Variants in XRCC1 observed in about 807,000 individuals in gnomAD.
XRCC1 encodes the protein X-ray repair cross complementing 1, also known as DNA repair protein XRCC1.
A neutral mutation model predicts 83.3 loss-of-function variants in XRCC1; 52 were observed. The ratio of observed to expected loss-of-function variants is 0.62; its 90% CI spans 0.50 to 0.79. The LOEUF is 0.79. XRCC1 is among the 30% of genes least tolerant of loss of function. XRCC1 has a pLI of 0.00. For missense variants in XRCC1, 793 were observed against 823.5 expected, an observed-to-expected ratio of 0.96 and a Z score of 0.45; for synonymous variants, 281 against 312.6, an observed-to-expected ratio of 0.90 and a Z score of 1.07.
intron 10 of XRCC1, 34 bp from the exon 11 acceptor site, chr19:43,547,011 C>T (rs25482): frequency 1.9e-6 from 3 of 1,606,098 alleles, no homozygotes; most frequent in African/African-American, 2.7e-5. Context: ...ACAAACAGGC[C>T]CAAGGGAAGT....
At position 43,546,057 on chromosome 19, in the gene XRCC1, C is replaced by G; in HGVS notation, c.1476G>C (p.Leu492=). The G allele has an allele frequency of 1.2e-6, 2 of 1,613,684 alleles. No individual in the cohort carries two copies. The highest frequency in any genetic ancestry group is 1.7e-6 in the Non-Finnish European group (2 of 1,179,808). ...ACCCCCAGCCCCAGCCCTACCTCCTCAGCTCATCCTCTGTGTCCCCAGAAT... is the reference window on the plus strand; with the variant it reads ...ACCCCCAGCCCCAGCCCTACCTCCTGAGCTCATCCTCTGTGTCCCCAGAAT... ...AEDSGDTEDE[L]RRVAEQKEHR... The change falls in exon 13 of 17, where the codon CTG becomes CTC. Residue 492 remains leucine (L), a synonymous_variant. Transcript: ENST00000262887.
In XRCC1 at chr19:43,553,426, G is replaced by A. The variant is rs2146052344; in HGVS notation, c.576C>T (p.Phe192=). The A allele has an allele frequency of 6.2e-7, 1 of 1,614,156 alleles. No individual in the cohort carries two copies. Among genetic ancestry groups the A allele is most frequent in the Non-Finnish European group, 8.5e-7 (1 of 1,180,020 alleles). The part of the protein sequence containing the change: ...ANSLRPGALF[F]SRINKTSPVT... ...CTGGGGATGTCTTGTTGATCCGGCT[G>A]AAGAAGAGAGCCCCCGGCCTCAGAG... Residue 192 remains phenylalanine (F), a synonymous_variant, in exon 6 of 17, where the codon TTC becomes TTT. Coordinates refer to ENST00000262887, the MANE Select transcript of XRCC1 (RefSeq NM_006297.3).
At chr19:43,556,813 T>C (rs1263425550) in intron 3 of XRCC1, among the ~76,000 whole-genome samples, 1 of 151,814 alleles carries the variant, frequency 6.6e-6, no homozygotes, top group Non-Finnish European at 1.5e-5. Context: ...AAGACCAGCC[T>C]AGCCAACATG....
intron 2 of XRCC1, among the ~76,000 whole-genome samples, chr19:43,561,575 G>A: frequency 6.6e-6 from 1 of 152,184 alleles, no homozygotes; most frequent in Non-Finnish European, 1.5e-5. Flanking sequence ...CCATATCTAG[G>A]ATCATGCACA....
At chr19:43,551,952 G>A (rs1012428169) in intron 9 of XRCC1, 65 bp downstream of exon 9, 1 of 1,557,336 alleles carries the variant, frequency 6.4e-7, no homozygotes, top group East Asian at 2.2e-5. Flanking sequence ...AAAGCACAAG[G>A]TGGAGGAGAC....
At chr19:43,553,374 C>T in intron 6 of XRCC1, 27 bp downstream of exon 6, 1 of 1,612,038 alleles carries the variant, frequency 6.2e-7, no homozygotes, top group Non-Finnish European at 8.5e-7. Context: ...ACCCTACTCA[C>T]TCAGGACCCA....
At position 43,575,098 on chromosome 19, in the gene XRCC1, A is replaced by G. The variant is rs928567834; in HGVS notation, c.52-96T>C. The stretch of plus-strand genomic sequence containing the variant: ...TCCTTTGAGTCCTCCCAAGGCCTCT[A>G]CGACCCCCAGATTTAAGCTCTCCCG... On this transcript the variant is annotated intron_variant, in intron 1 of 16. Coordinates refer to ENST00000262887, the MANE Select transcript of XRCC1 (RefSeq NM_006297.3). 8 of 1,011,104 alleles carry G rather than the reference A, an allele frequency of 7.9e-6. No individual in the cohort carries two copies. In the East Asian group the frequency reaches 1.5e-4, roughly 19 times the overall value. 62.6% of individuals were successfully genotyped at this position (1,011,104 alleles called of 1,614,324 possible). A position where few individuals can be genotyped will look rare whatever the true frequency, so the allele number is the denominator to read the frequency against.
intron 4 of XRCC1, among the ~76,000 whole-genome samples, 153 bp downstream of exon 4, chr19:43,554,493 C>T (rs539156176): frequency 1.4e-4 from 21 of 152,246 alleles, no homozygotes; most frequent in Admixed American, 1.3e-3. Flanking sequence ...AGATCCCAAA[C>T]CCATTTCAGG....
At chr19:43,566,426 GGGA>G (rs1568517957) in intron 2 of XRCC1, among the ~76,000 whole-genome samples, 1 of 146,896 alleles carries the variant, frequency 6.8e-6, no homozygotes, top group Non-Finnish European at 1.5e-5. Context: ...CCAGCTACTC[GGGA>G]GGCTGAGGCA....
intron 10 of XRCC1, among the ~76,000 whole-genome samples, chr19:43,550,752 C>T (rs1343197327): frequency 6.6e-6 from 1 of 152,220 alleles, no homozygotes; most frequent in Non-Finnish European, 1.5e-5. Context: ...CTTGTCTCCT[C>T]TGCCCAGCAT....
At chr19:43,575,070 G>A (rs901907302) in intron 1 of XRCC1, 68 bp from the exon 2 acceptor site, 7 of 1,333,964 alleles carry the variant, frequency 5.2e-6, no homozygotes, top group Admixed American at 3.6e-5. Flanking sequence ...GCTCTCAGAT[G>A]ATTCCTTTGA....
intron 1 of XRCC1, 61 bp from the exon 2 acceptor site, chr19:43,575,063 C>T (rs945904983): frequency 1.4e-6 from 2 of 1,382,046 alleles, no homozygotes; most frequent in Non-Finnish European, 2.1e-6. Flanking sequence ...GCCTCCAGCT[C>T]TCAGATGATT....
In XRCC1 at chr19:43,574,328, G is replaced by A. The variant is rs185918802; in HGVS notation, c.144+582C>T. On this transcript the variant is annotated intron_variant, in intron 2 of 16. Transcript: ENST00000262887. The stretch of plus-strand genomic sequence containing the variant: ...TGGGCTCATGCAATACTCCAGCTTC[G>A]GCCTCCCAAAGTGATGGGATTACAG... Among the ~76,000 whole-genome samples, 56 of 151,736 alleles carry A rather than the reference G, an allele frequency of 3.7e-4. No individual in the cohort carries two copies. The East Asian group carries it at 9.9e-3, about 27-fold the overall frequency.
At chr19:43,548,779 A>AAAAAAAAACAAAAAAC (rs1213062759) in intron 10 of XRCC1, among the ~76,000 whole-genome samples, 8 of 141,638 alleles carry the variant, frequency 5.6e-5, no homozygotes, top group Non-Finnish European at 9.2e-5. Context: ...AAAAAAAAAA[A>AAAAAAAAACAAAAAAC]AAAAAAACAC....
At chr19:43,564,546 T>C (rs1023587842) in intron 2 of XRCC1, among the ~76,000 whole-genome samples, 7 of 152,112 alleles carry the variant, frequency 4.6e-5, no homozygotes, top group African/African-American at 1.7e-4. Flanking sequence ...CCCAGAACTT[T>C]GGGAGACTGA....
At chr19:43,566,052 A>G (rs1341479067) in intron 2 of XRCC1, among the ~76,000 whole-genome samples, 1 of 152,068 alleles carries the variant, frequency 6.6e-6, no homozygotes, top group Non-Finnish European at 1.5e-5. Flanking sequence ...CATGACCAAT[A>G]TGGTGAAACC....
intron 10 of XRCC1, among the ~76,000 whole-genome samples, chr19:43,548,270 G>A (rs1972538285): frequency 6.6e-6 from 1 of 152,066 alleles, no homozygotes; most frequent in South Asian, 2.1e-4. Context: ...CCGTCTGGGA[G>A]GTGTACCCAA....
rs1417654314 is a variant in XRCC1 at position 43,553,437 on chromosome 19, C to T, written c.565G>A (p.Ala189Thr). The change falls in exon 6 of 17, where the codon GCT (alanine) becomes ACT (threonine). Residue 189 changes from alanine to threonine, a missense_variant. Physicochemically the swap from Ala to Thr is moderately conservative, Grantham distance 58. Coordinates refer to ENST00000262887, the MANE Select transcript of XRCC1 (RefSeq NM_006297.3). ...TTGTTGATCCGGCTGAAGAAGAGAG[C>T]CCCCGGCCTCAGAGAGTTGGCGCTC... is the stretch of plus-strand genomic sequence containing the variant. ...DESANSLRPGALFFSRINKTS... is the reference protein window; with the variant it reads ...DESANSLRPGTLFFSRINKTS... The T allele has an allele frequency of 6.2e-7, 1 of 1,614,104 alleles. No homozygotes were observed. The highest frequency in any genetic ancestry group is 8.5e-7 in the Non-Finnish European group (1 of 1,179,986).
intron 2 of XRCC1, among the ~76,000 whole-genome samples, chr19:43,561,610 G>A (rs537298757): frequency 2.0e-5 from 3 of 152,246 alleles, no homozygotes; most frequent in African/African-American, 4.8e-5. Context: ...AGGGCATGGC[G>A]AAGAGTAGGC....
Sources: allele counts gnomAD v4.1 joint callset (sites outside exome capture counted in the v4.1 genomes callset), GRCh38; gene constraint gnomAD v4.1.1; transcripts MANE v1.5; gene names NCBI Gene and HGNC (gene_info 2026-07-23, HGNC 2026-07-21).